The following TTLL12 variants were observed in gnomAD, a reference collection of about 807,000 sequenced individuals.
TTLL12 encodes tubulin--tyrosine ligase-like protein 12.
In TTLL12, 77 loss-of-function variants were observed where a neutral mutation model predicts 79.6. The observed-to-expected ratio is 0.97, with a 90% CI of 0.81 to 1.17. The LOEUF (loss-of-function observed/expected upper bound fraction) is 1.17, where lower values mean the gene tolerates loss of function less well. Among genes scored for constraint, TTLL12 ranks in the 50% most tolerant of loss-of-function variants. The pLI is 0.00. For missense variants in TTLL12, 969 were observed against 895.9 expected (o/e 1.08, Z -1.04); for synonymous variants, 437 against 376.1 (o/e 1.16, Z -1.87).
intron 2 of TTLL12, among the ~76,000 whole-genome samples, chr22:43,181,287 C>T (rs1356884538): frequency 6.6e-6 from 1 of 152,254 alleles, no homozygotes; most frequent in African/African-American, 2.4e-5. Context: ...ATAAACACAC[C>T]AGCAGTCACT....
chr22:43,183,076 C>G lies in TTLL12; in HGVS notation c.251G>C (p.Arg84Pro). ...GTTGGGCTGCTGCTTCCGCACCTCCCGGGCTGCCTCGTCCTCCTCCTCTTC... is the reference window on the plus strand; with the variant it reads ...GTTGGGCTGCTGCTTCCGCACCTCCGGGGCTGCCTCGTCCTCCTCCTCTTC... The part of the protein sequence containing the change: ...EVEEEEDEAA[R>P]EVRKQQPNPG... Residue 84 changes from arginine to proline, a missense_variant, in exon 2 of 14, where the codon CGG (arginine) becomes CCG (proline). Transcript: ENST00000216129. 3 of 1,613,996 alleles carry G rather than the reference C, an allele frequency of 1.9e-6. No homozygotes were observed. The highest frequency in any genetic ancestry group is 2.5e-6 in the Non-Finnish European group (3 of 1,179,988).
chr22:43,186,670 C>T (rs1198599070), intron 1 of TTLL12, among the ~76,000 whole-genome samples: 1 of 152,184 alleles, frequency 6.6e-6, no homozygotes, highest in African/African-American at 2.4e-5. Flanking sequence ...ACGCAGCCCT[C>T]AGCCGGTCTC....
intron 5 of TTLL12, 21 bp downstream of exon 5, chr22:43,179,598 G>T (rs1249987035): frequency 6.4e-7 from 1 of 1,556,666 alleles, no homozygotes; most frequent in East Asian, 2.3e-5. Flanking sequence ...GACAGGCCTG[G>T]TGGGTGGAGG....
Position 43,167,916 on chromosome 22 carries a change from G to T in TTLL12, c.*92C>A, listed in dbSNP as rs1250699329. On this transcript the variant is annotated 3_prime_UTR_variant, in exon 14 of 14. Transcript: ENST00000216129. ...GGCTGAGGCTATGCCCAGGGCCGGT[G>T]TGGGGAGGGACATGGGGGCCTTTGC... The T allele has an allele frequency of 8.7e-6, 13 of 1,501,622 alleles. No individual in the cohort carries two copies. Among genetic ancestry groups the T allele is most frequent in the Admixed American group, 1.8e-5 (1 of 54,678 alleles). 93.0% of individuals were successfully genotyped at this position (1,501,622 alleles called of 1,614,324 possible). A position where few individuals can be genotyped will look rare whatever the true frequency, so the allele number is the denominator to read the frequency against.
In TTLL12 at chr22:43,174,634, C is replaced by T. The variant is rs1180645845; in HGVS notation, c.918-19G>A. 2.5e-5 allele frequency: 39 copies of T among 1,567,430 alleles called. No individual in the cohort carries two copies. Among genetic ancestry groups the T allele is most frequent in the Non-Finnish European group, 3.3e-5 (38 of 1,149,186 alleles). ...GTAGACCCTGTGGGGAGAGCCCGAG[C>T]TGGGTGATCCCGGCTCCCAAGTGTC... On this transcript the variant is annotated intron_variant, in intron 6 of 13. Coordinates refer to ENST00000216129, the MANE Select transcript of TTLL12 (RefSeq NM_015140.4).
chr22:43,173,238 T>C (rs754923718), intron 9 of TTLL12, among the ~76,000 whole-genome samples: 12 of 152,202 alleles, frequency 7.9e-5, no homozygotes, highest in Non-Finnish European at 1.6e-4. Flanking sequence ...TTGTCCAGGC[T>C]CAGCCACCTC....
rs193221618 is a variant in TTLL12 at position 43,176,410 on chromosome 22, C to T, written c.841-14G>A. On this transcript the variant is annotated splice_polypyrimidine_tract_variant and intron_variant, in intron 5 of 13. Coordinates refer to ENST00000216129, the MANE Select transcript of TTLL12 (RefSeq NM_015140.4). ...CTCCAGAATGGCCTAAAAGGAAACA[C>T]ACCGGAAGTAGAGATGAGGTCAAGG... The T allele has an allele frequency of 1.8e-4, 287 of 1,599,066 alleles. 1 individual carries two copies. In the East Asian group the frequency reaches 4.5e-3, roughly 25 times the overall value.
chr22:43,176,516 T>C (rs1352000464), intron 5 of TTLL12, 120 bp from the exon 6 acceptor site: 6 of 784,268 alleles, frequency 7.7e-6, no homozygotes, highest in Admixed American at 4.1e-5. Flanking sequence ...GATCACGTGA[T>C]GTCAGGAGCT....
chr22:43,178,847 C>T (rs1293077134), intron 5 of TTLL12, among the ~76,000 whole-genome samples: 1 of 152,182 alleles, frequency 6.6e-6, no homozygotes, highest in Non-Finnish European at 1.5e-5. Flanking sequence ...AAGATAAAAA[C>T]AGAACTGTAA....
At chr22:43,171,103 T>G (rs929033626) in intron 11 of TTLL12, among the ~76,000 whole-genome samples, 24 of 151,738 alleles carry the variant, frequency 1.6e-4, no homozygotes, top group Non-Finnish European at 1.2e-4. Context: ...ACAGGCAGGG[T>G]GGGGTAGGTG....
chr22:43,172,234 C>T (rs996288015), intron 10 of TTLL12, among the ~76,000 whole-genome samples, 169 bp downstream of exon 10: 10 of 152,206 alleles, frequency 6.6e-5, no homozygotes, highest in Non-Finnish European at 1.0e-4. Context: ...GGCAAGTCAC[C>T]GCCAATTAAC....
intron 5 of TTLL12, among the ~76,000 whole-genome samples, chr22:43,176,597 G>T (rs1276507534): frequency 6.6e-6 from 1 of 152,012 alleles, no homozygotes; most frequent in Non-Finnish European, 1.5e-5. Flanking sequence ...AGGCATGGTG[G>T]CGCGTGCCTG....
At position 43,166,935 on chromosome 22, in the gene TTLL12, T is replaced by G. The variant is rs1931632192; in HGVS notation, c.*1073A>C. ...GCTCTGGAAGTAGCTCTCGCCTGCC[T>G]GGGCAGTTAGGTCCACCCACTGCCC... On this transcript the variant is annotated 3_prime_UTR_variant, in exon 14 of 14. Coordinates refer to ENST00000216129, the MANE Select transcript of TTLL12 (RefSeq NM_015140.4). The G allele has an allele frequency of 3.4e-6, 1 of 297,620 alleles. No homozygotes were observed. Among genetic ancestry groups the G allele is most frequent in the African/African-American group, 2.2e-5 (1 of 45,404 alleles). 18.4% of individuals were successfully genotyped at this position (297,620 alleles called of 1,614,324 possible).
Position 43,167,153 on chromosome 22 carries a change from T to C in TTLL12, c.*855A>G. 1 of 530,008 alleles carries C rather than the reference T, an allele frequency of 1.9e-6. No individual in the cohort carries two copies. Among genetic ancestry groups the C allele is most frequent in the Non-Finnish European group, 3.9e-6 (1 of 258,230 alleles). 32.8% of individuals were successfully genotyped at this position (530,008 alleles called of 1,614,324 possible). A position where few individuals can be genotyped will look rare whatever the true frequency, so the allele number is the denominator to read the frequency against. On this transcript the variant is annotated 3_prime_UTR_variant, in exon 14 of 14. Transcript: ENST00000216129. ...CTTTAACCTGAAGTTCTCATTGGAA[T>C]CCTTTTCTGTCTGGCGCTCCACCGC...
Position 43,169,512 on chromosome 22 carries a change from C to T in TTLL12, c.1632G>A (p.Trp544Ter), listed in dbSNP as rs1931708683. ...GGACAGGAATTACCTGGACGTCCGT[C>T]CAGGGAAATTCTGGGTATTGCTTCT... ...EFEKQYPEFP[W>*]TDVQAEIFRA... The change falls in exon 12 of 14, where the codon TGG becomes TGA. Residue 544 changes from tryptophan to a stop codon, truncating the protein, a stop_gained. Coordinates refer to ENST00000216129, the MANE Select transcript of TTLL12 (RefSeq NM_015140.4). LOFTEE classifies it high-confidence loss of function. 2 of 1,604,088 alleles carry T rather than the reference C, an allele frequency of 1.2e-6. No homozygotes were observed. The highest frequency in any genetic ancestry group is 1.7e-6 in the Non-Finnish European group (2 of 1,174,030).
At chr22:43,186,379 AGAT>A (rs1269814519) in intron 1 of TTLL12, among the ~76,000 whole-genome samples, 1 of 152,204 alleles carries the variant, frequency 6.6e-6, no homozygotes, top group East Asian at 1.9e-4. Flanking sequence ...ATTTTTCTTT[AGAT>A]TTCTCCTCCA....
At position 43,171,892 on chromosome 22, in the gene TTLL12, G is replaced by A. The variant is rs923536692; in HGVS notation, c.1502C>T (p.Ala501Val). 23 of 1,613,958 alleles carry A rather than the reference G, an allele frequency of 1.4e-5. No individual in the cohort carries two copies. Among genetic ancestry groups the A allele is most frequent in the Non-Finnish European group, 1.9e-5 (22 of 1,179,966 alleles). ...CTCGTAGTCATCCAGGTCGTTGAGTGCAAAGGCCCTGGAAGACAAGTGTGC... is the reference window on the plus strand; with the variant it reads ...CTCGTAGTCATCCAGGTCGTTGAGTACAAAGGCCCTGGAAGACAAGTGTGC... ...FWLRFSNRAF[A>V]LNDLDDYEKH... Residue 501 changes from alanine (A) to valine (V), a missense_variant, in exon 11 of 14, where the codon GCA (alanine) becomes GTA (valine). Transcript: ENST00000216129.
At chr22:43,184,881 G>C (rs756045954) in intron 1 of TTLL12, among the ~76,000 whole-genome samples, 7 of 152,194 alleles carry the variant, frequency 4.6e-5, no homozygotes, top group Non-Finnish European at 1.0e-4. Flanking sequence ...CAGGAGATAA[G>C]GGGAGTGGTT....
rs113509808 is a variant in TTLL12, at chr22:43,174,977, C to T, written c.918-362G>A. 2.0e-5 allele frequency among the ~76,000 whole-genome samples: 3 copies of T among 152,260 alleles called. No individual in the cohort carries two copies. In the East Asian group the frequency reaches 5.8e-4, roughly 29 times the overall value. ...TGAGGCTGGGGCCACCAATCTCAGA[C>T]AGGCACACCAAGGGCCTCCGTGAGG... is the stretch of plus-strand genomic sequence containing the variant. On this transcript the variant is annotated intron_variant, in intron 6 of 13. Transcript: ENST00000216129.
Sources: allele counts gnomAD v4.1 joint callset (sites outside exome capture counted in the v4.1 genomes callset), GRCh38; gene constraint gnomAD v4.1.1; transcripts MANE v1.5; gene names NCBI Gene and HGNC (gene_info 2026-07-23, HGNC 2026-07-21).